The following MYZAP variants were observed in gnomAD, a reference collection of about 807,000 sequenced individuals.
MYZAP encodes the protein GRINL1A complex locus upstream.
A neutral mutation model predicts 69.4 loss-of-function variants in MYZAP; 66 were observed. That is an observed-to-expected ratio of 0.95 (90% CI 0.78 to 1.17). MYZAP has a LOEUF of 1.17. Among genes scored for constraint, MYZAP ranks in the 50% most tolerant of loss-of-function variants. MYZAP has a pLI of 0.00. For missense variants in MYZAP, 611 were observed against 556.2 expected (o/e 1.10, Z -0.99); for synonymous variants, 256 against 205.9 (o/e 1.24, Z -2.09).
At chr15:57,682,216 A>G (rs1448396353) in intron 12 of MYZAP, among the ~76,000 whole-genome samples, 2 of 152,152 alleles carry the variant, frequency 1.3e-5, no homozygotes, top group Non-Finnish European at 2.9e-5. Flanking sequence ...CTCCACTTGT[A>G]TGCTCTACAT....
At chr15:57,645,102 A>G (rs2037374400) in intron 10 of MYZAP, among the ~76,000 whole-genome samples, 1 of 152,226 alleles carries the variant, frequency 6.6e-6, no homozygotes. Flanking sequence ...AGAGAAGGCA[A>G]AAACATCTTG....
At chr15:57,601,273 C>T (rs1313469201) in intron 1 of MYZAP, among the ~76,000 whole-genome samples, 1 of 83,486 alleles carries the variant, frequency 1.2e-5, no homozygotes, top group African/African-American at 6.4e-5. Flanking sequence ...TGTGTGCACA[C>T]TTGTGTGTGT....
At chr15:57,677,292 C>T (rs540447554) in intron 12 of MYZAP, among the ~76,000 whole-genome samples, 107 of 152,250 alleles carry the variant, frequency 7.0e-4, no homozygotes, top group Admixed American at 1.2e-3. Flanking sequence ...TGTTGGATTC[C>T]AAGTAAGATT....
At chr15:57,644,178 G>A (rs1045223884) in intron 10 of MYZAP, among the ~76,000 whole-genome samples, 3 of 152,158 alleles carry the variant, frequency 2.0e-5, no homozygotes, top group African/African-American at 4.8e-5. Context: ...TTCTCAGAGC[G>A]GTGGCCTGAC....
Position 57,619,717 on chromosome 15 carries a change from A to T in MYZAP, c.318+1529A>T, listed in dbSNP as rs147407794. ...GAATTTCCTGTTAAGAATAGCTCAG[A>T]CATTTTAATTTTCTTGTATTTTTTT... On this transcript the variant is annotated intron_variant, in intron 3 of 12. Transcript: ENST00000267853. Among the ~76,000 whole-genome samples, 1,058 of 152,304 alleles carry T rather than the reference A, an allele frequency of 6.9e-3. 5 individuals are homozygous for T. The highest frequency in any genetic ancestry group is 9.5e-3 in the Non-Finnish European group (643 of 68,024).
rs533408076 is a variant in MYZAP, at chr15:57,615,178, C to G, written c.163-2855C>G. ...TTTTTTCTTTTTGCCAAAAAACATT[C>G]AAAGTCTACAAAAGAACATAAAGGA... On this transcript the variant is annotated intron_variant, in intron 2 of 12. Transcript: ENST00000267853. Among the ~76,000 whole-genome samples, 74 of 152,268 alleles carry G rather than the reference C, an allele frequency of 4.9e-4. 3 individuals are homozygous for G. In the South Asian group the frequency reaches 7.0e-3, roughly 14 times the overall value.
intron 10 of MYZAP, 85 bp from the exon 11 acceptor site, chr15:57,661,365 C>A: frequency 1.0e-6 from 1 of 985,622 alleles, no homozygotes; most frequent in East Asian, 2.6e-5. Flanking sequence ...TAAATGAAAA[C>A]CAAGGGCATC....
intron 11 of MYZAP, among the ~76,000 whole-genome samples, chr15:57,670,335 A>G (rs1461139012): frequency 1.3e-5 from 2 of 151,982 alleles, no homozygotes; most frequent in Non-Finnish European, 2.9e-5. Context: ...ACAATATGAA[A>G]TGTTGGTCCC....
intron 6 of MYZAP, among the ~76,000 whole-genome samples, chr15:57,632,136 A>G (rs1375631608): frequency 2.0e-5 from 3 of 152,244 alleles, no homozygotes; most frequent in African/African-American, 7.2e-5. Flanking sequence ...GGCCAATGCA[A>G]CTGATGAGAT....
chr15:57,671,743 A>G (rs951488980), intron 11 of MYZAP, among the ~76,000 whole-genome samples: 3 of 151,214 alleles, frequency 2.0e-5, no homozygotes, highest in African/African-American at 7.3e-5. Flanking sequence ...TCTTTTTTGT[A>G]TTTTCTATTT....
At chr15:57,656,582 C>T (rs2038020622) in intron 10 of MYZAP, among the ~76,000 whole-genome samples, 1 of 152,120 alleles carries the variant, frequency 6.6e-6, no homozygotes, top group Non-Finnish European at 1.5e-5. Flanking sequence ...GCATGTGAGT[C>T]TATTTATTTT....
chr15:57,598,421 G>GA (rs1595847144), intron 1 of MYZAP, among the ~76,000 whole-genome samples: 1 of 152,134 alleles, frequency 6.6e-6, no homozygotes, highest in Non-Finnish European at 1.5e-5. Context: ...GTTCAACCTA[G>GA]AAAAAACTAC....
At chr15:57,632,658 C>T (rs1334996910) in intron 7 of MYZAP, 99 bp downstream of exon 7, 2 of 1,532,726 alleles carry the variant, frequency 1.3e-6, no homozygotes, top group African/African-American at 1.4e-5. Context: ...AGAGGTGGGT[C>T]AGTAGACTCA....
At chr15:57,648,299 AT>A in intron 10 of MYZAP, 1 of 985,312 alleles carries the variant, frequency 1.0e-6, no homozygotes. Context: ...GGGAAAGGAT[AT>A]TTTCTTTGGA....
intron 2 of MYZAP, among the ~76,000 whole-genome samples, chr15:57,610,619 T>G (rs924568846): frequency 2.6e-5 from 4 of 152,190 alleles, no homozygotes; most frequent in Admixed American, 6.5e-5. Flanking sequence ...TTCTAGCAAA[T>G]AGAAATGTTA....
intron 10 of MYZAP, among the ~76,000 whole-genome samples, chr15:57,650,674 A>C (rs2037681416): frequency 6.6e-6 from 1 of 152,190 alleles, no homozygotes; most frequent in Admixed American, 6.5e-5. Flanking sequence ...ATGTGTGCTA[A>C]ATGCTTAGCA....
chr15:57,660,250 A>T, intron 10 of MYZAP, among the ~76,000 whole-genome samples: 1 of 152,176 alleles, frequency 6.6e-6, no homozygotes, highest in Non-Finnish European at 1.5e-5. Flanking sequence ...ATGCATATGT[A>T]CTTTTTCTAG....
intron 10 of MYZAP, among the ~76,000 whole-genome samples, chr15:57,653,932 G>A (rs1205951121): frequency 7.2e-6 from 1 of 139,662 alleles, no homozygotes; most frequent in Non-Finnish European, 1.5e-5. Flanking sequence ...TTGAGCCCAG[G>A]AGTTTGAGGC....
At chr15:57,596,358 G>C (rs1029145732) in intron 1 of MYZAP, among the ~76,000 whole-genome samples, 1 of 152,200 alleles carries the variant, frequency 6.6e-6, no homozygotes, top group Non-Finnish European at 1.5e-5. Flanking sequence ...TTGTCTAATT[G>C]AGTTCAAGGA....
Sources: allele counts gnomAD v4.1 joint callset (sites outside exome capture counted in the v4.1 genomes callset), GRCh38; gene constraint gnomAD v4.1.1; transcripts MANE v1.5; gene names NCBI Gene and HGNC (gene_info 2026-07-23, HGNC 2026-07-21).